LMTK2: variants seen among roughly 807,000 people sequenced by gnomAD.
LMTK2 encodes the protein lemur tail kinase 2, also known as serine/threonine-protein kinase LMTK2.
LMTK2 carries 37 observed loss-of-function variants against 127.5 expected under a neutral mutation model. The ratio of observed to expected loss-of-function variants is 0.29; its 90% CI spans 0.22 to 0.38. The LOEUF (loss-of-function observed/expected upper bound fraction) is 0.38. Ranked by LOEUF, LMTK2 falls within the 10% of genes least tolerant of loss-of-function variation. LMTK2 has a pLI of 1.00. For synonymous variants in LMTK2, 819 were observed against 810.1 expected, an observed-to-expected ratio of 1.01 and a Z score of -0.19; for missense variants, 1,694 against 1,920.3, an observed-to-expected ratio of 0.88 and a Z score of 2.20.
chr7:98,190,661 C>T, intron 9 of LMTK2, 67 bp from the exon 10 acceptor site: 3 of 1,431,942 alleles, frequency 2.1e-6, no homozygotes, highest in African/African-American at 1.4e-5. Flanking sequence ...GGCTATGTAA[C>T]AAGTATGAGT....
At chr7:98,198,726 C>T (rs1451603159) in intron 11 of LMTK2, among the ~76,000 whole-genome samples, 1 of 152,170 alleles carries the variant, frequency 6.6e-6, no homozygotes, top group African/African-American at 2.4e-5. Context: ...GTGAATCTGC[C>T]TGCCTTGGCT....
At position 98,174,482 on chromosome 7, in the gene LMTK2, C is replaced by T. The variant is rs1391299731; in HGVS notation, c.791+2808C>T. On this transcript the variant is annotated intron_variant, in intron 7 of 13. Transcript: ENST00000297293. ...CAGGCGCTGCCAGCTTGCTGCTGTGCCATCCCACTTGCCTTGCTGGCCTGG... is the reference window on the plus strand; with the variant it reads ...CAGGCGCTGCCAGCTTGCTGCTGTGTCATCCCACTTGCCTTGCTGGCCTGG... 6.6e-5 allele frequency among the ~76,000 whole-genome samples: 10 copies of T among 152,204 alleles called. No individual in the cohort carries two copies. In the South Asian group the frequency reaches 2.1e-3, roughly 32 times the overall value.
intron 1 of LMTK2, among the ~76,000 whole-genome samples, chr7:98,111,749 G>A (rs921689039): frequency 2.0e-5 from 3 of 152,354 alleles, no homozygotes; most frequent in African/African-American, 7.2e-5. Flanking sequence ...GGAGCTCAAA[G>A]TGGTAGCTGC....
At position 98,106,917 on chromosome 7, in the gene LMTK2, T is replaced by G; in HGVS notation, c.-261T>G. 4.5e-6 allele frequency: 2 copies of G among 444,046 alleles called. No individual in the cohort carries two copies. Among genetic ancestry groups the G allele is most frequent in the Non-Finnish European group, 8.0e-6 (2 of 250,648 alleles). 27.5% of individuals were successfully genotyped at this position (444,046 alleles called of 1,614,324 possible). A position where few individuals can be genotyped will look rare whatever the true frequency, so the allele number is the denominator to read the frequency against. On this transcript the variant is annotated 5_prime_UTR_variant, in exon 1 of 14. Transcript: ENST00000297293. ...GAGCGCGGCTTCCCAGGCCCGCCGC[T>G]CCGCAGGGCTGCTGGCGTTGCTGCT... is the stretch of plus-strand genomic sequence containing the variant.
intron 5 of LMTK2, 23 bp from the exon 6 acceptor site, chr7:98,159,315 A>G: frequency 2.0e-6 from 3 of 1,515,564 alleles, no homozygotes; most frequent in Non-Finnish European, 2.7e-6. Context: ...GATGAACAAT[A>G]TTATGGCTTT....
In LMTK2 at chr7:98,193,394, A is replaced by G. The variant is rs772045026; in HGVS notation, c.2929A>G (p.Ser977Gly). The G allele has an allele frequency of 6.2e-7, 1 of 1,614,168 alleles. No homozygotes were observed. Among genetic ancestry groups the G allele is most frequent in the Admixed American group, 1.7e-5 (1 of 60,020 alleles). The change falls in exon 11 of 14, where the codon AGC becomes GGC. Residue 977 changes from serine to glycine, a missense_variant. By Grantham distance (56) the Ser-to-Gly change is moderately conservative. Transcript: ENST00000297293. This position sits in a 1 kb window ranked among gnomAD's most constrained non-coding sequence, Gnocchi z 4.1. ...ALSSDSTSQD[S>G]LLEDSLSAPF... Reference sequence around the variant, plus strand: ...CTCCTCGGACTCAACCAGTCAGGACAGCCTCCTGGAGGACAGCTTGTCAGC... The same window carrying G: ...CTCCTCGGACTCAACCAGTCAGGACGGCCTCCTGGAGGACAGCTTGTCAGC...
At position 98,181,278 on chromosome 7, in the gene LMTK2, G is replaced by A. The variant is rs117688487; in HGVS notation, c.792-3773G>A. Among the ~76,000 whole-genome samples, 246 of 152,198 alleles carry A rather than the reference G, an allele frequency of 1.6e-3. No individual in the cohort carries two copies. In the East Asian group the frequency reaches 0.025, roughly 16 times the overall value. ...CACATGTCAACTAGATTTGTGGACC[G>A]GTAAAGTTCTCCCCAAAGAGATGGG... On this transcript the variant is annotated intron_variant, in intron 7 of 13. Transcript: ENST00000297293.
intron 7 of LMTK2, among the ~76,000 whole-genome samples, chr7:98,175,656 A>G (rs191055590): frequency 1.9e-4 from 29 of 152,372 alleles, no homozygotes; most frequent in Admixed American, 3.9e-4. Context: ...CCCTTTCTAC[A>G]TGGAAGACTT....
intron 11 of LMTK2, among the ~76,000 whole-genome samples, chr7:98,199,723 G>C (rs1797680082): frequency 6.6e-6 from 1 of 152,206 alleles, no homozygotes; most frequent in Non-Finnish European, 1.5e-5. Context: ...TCGAACTCCT[G>C]AGCTCAAGCA....
In LMTK2 at chr7:98,192,208, G is replaced by T; in HGVS notation, c.1743G>T (p.Arg581Ser). Residue 581 changes from arginine to serine, a missense_variant, in exon 11 of 14, where the codon AGG (arginine) becomes AGT (serine). Transcript: ENST00000297293. ...LLTTDMDNPE[R>S]TGPELSQLTA... ...CAACCGACATGGATAATCCAGAAAG[G>T]ACTGGCCCTGAACTGTCCCAGCTCA... 11 of 1,524,062 alleles carry T rather than the reference G, an allele frequency of 7.2e-6. No homozygotes were observed. Among genetic ancestry groups the T allele is most frequent in the Non-Finnish European group, 8.8e-6 (10 of 1,139,420 alleles). The allele number at this position is 1,524,062 out of a possible 1,614,324, so 94.4% of individuals were successfully genotyped here.
chr7:98,145,949 T>C (rs944243611), intron 3 of LMTK2, among the ~76,000 whole-genome samples: 1 of 152,204 alleles, frequency 6.6e-6, no homozygotes, highest in Admixed American at 6.5e-5. Flanking sequence ...TAGTTTTAGC[T>C]CTTGCTCCTT....
chr7:98,112,131 C>T (rs1390836249), intron 1 of LMTK2, among the ~76,000 whole-genome samples: 1 of 152,136 alleles, frequency 6.6e-6, no homozygotes, highest in Non-Finnish European at 1.5e-5. Context: ...TAGAACAAGC[C>T]CAGAGCTGAT....
intron 11 of LMTK2, among the ~76,000 whole-genome samples, chr7:98,199,673 T>C (rs535414409): frequency 2.0e-5 from 3 of 152,294 alleles, no homozygotes; most frequent in African/African-American, 7.2e-5. Context: ...TTTTGTATTT[T>C]TTGTAGAGAT....
At chr7:98,122,348 C>T (rs376142244) in intron 1 of LMTK2, among the ~76,000 whole-genome samples, 2 of 152,120 alleles carry the variant, frequency 1.3e-5, no homozygotes, top group African/African-American at 4.8e-5. Flanking sequence ...GGCAGTTTCC[C>T]AGTTCTCACC....
At position 98,194,305 on chromosome 7, in the gene LMTK2, C is replaced by T. The variant is rs753580218; in HGVS notation, c.3840C>T (p.Asp1280=). ...CAGGGATGCTCGACCTCTCAGAGGACGGGATGGATGCAGACGAGGAGGACG... is the reference window on the plus strand; with the variant it reads ...CAGGGATGCTCGACCTCTCAGAGGATGGGATGGATGCAGACGAGGAGGACG... ...GVSGMLDLSE[D]GMDADEEDEN... The change falls in exon 11 of 14, where the codon GAC becomes GAT. Residue 1280 remains aspartate (D), a synonymous_variant. Coordinates refer to ENST00000297293, the MANE Select transcript of LMTK2 (RefSeq NM_014916.4). The surrounding 1 kb of genome is among the most constrained non-coding windows in gnomAD (Gnocchi z 5.4). 8 of 1,614,090 alleles carry T rather than the reference C, an allele frequency of 5.0e-6. No individual in the cohort carries two copies. The highest frequency in any genetic ancestry group is 1.3e-5 in the African/African-American group (1 of 75,014).
intron 6 of LMTK2, among the ~76,000 whole-genome samples, chr7:98,166,077 C>G (rs573396033): frequency 6.6e-6 from 1 of 152,252 alleles, no homozygotes; most frequent in Non-Finnish European, 1.5e-5. Flanking sequence ...CCGGGCACTA[C>G]GGCCTTGGCC....
At chr7:98,167,048 A>G (rs1420575627) in intron 6 of LMTK2, among the ~76,000 whole-genome samples, 1 of 152,248 alleles carries the variant, frequency 6.6e-6, no homozygotes, top group African/African-American at 2.4e-5. Context: ...TAATAAATTT[A>G]AAAGCCCAGT....
intron 3 of LMTK2, among the ~76,000 whole-genome samples, chr7:98,151,107 G>A (rs1168831667): frequency 6.6e-6 from 1 of 152,132 alleles, no homozygotes; most frequent in Non-Finnish European, 1.5e-5. Flanking sequence ...CTAAGTAAAG[G>A]CCATTGGCCT....
chr7:98,205,454 T>G lies in LMTK2; in HGVS notation c.4484-10T>G. The G allele has an allele frequency of 8.7e-6, 14 of 1,613,678 alleles. No homozygotes were observed. The highest frequency in any genetic ancestry group is 1.2e-5 in the Non-Finnish European group (14 of 1,179,986). ...CAGCTTTGTCGTCTCGCTTCCTCTC[T>G]CCTCAACAGGAAGCAGCGAAGACGG... On this transcript the variant is annotated splice_polypyrimidine_tract_variant and intron_variant, in intron 13 of 13. Coordinates refer to ENST00000297293, the MANE Select transcript of LMTK2 (RefSeq NM_014916.4).
Sources: gnomAD v4.1 joint callset for allele counts (sites outside exome capture counted in the v4.1 genomes callset) on GRCh38, gnomAD v4.1.1 for gene constraint, Gnocchi (gnomAD v3.1) non-coding constraint, MANE v1.5 for transcripts, NCBI Gene and HGNC (gene_info 2026-07-23, HGNC 2026-07-21) for gene names.